VOPP1: variants seen among roughly 807,000 people sequenced by gnomAD.
VOPP1 encodes VOPP1 WW domain binding protein, also known as WW domain binding protein VOPP1.
A neutral mutation model predicts 23.5 loss-of-function variants in VOPP1; 8 were observed. The observed-to-expected ratio is 0.34, with a 90% CI of 0.20 to 0.61. The LOEUF (loss-of-function observed/expected upper bound fraction) is 0.61, where lower values mean the gene tolerates loss of function less well. VOPP1 is among the 20% of genes least tolerant of loss of function. The pLI, the probability that VOPP1 is intolerant of heterozygous loss-of-function variation, is 0.78. For missense variants in VOPP1, 174 were observed against 238.1 expected, an observed-to-expected ratio of 0.73 and a Z score of 1.77; for synonymous variants, 83 against 97.3, an observed-to-expected ratio of 0.85 and a Z score of 0.86.
chr7:55,487,846 G>A (rs1014865422), intron 4 of VOPP1, among the ~76,000 whole-genome samples: 1 of 152,160 alleles, frequency 6.6e-6, no homozygotes, highest in Non-Finnish European at 1.5e-5. Context: ...ACACTCAGCT[G>A]AGGCCACCTC....
At chr7:55,516,881 GT>G (rs1218195593) in intron 2 of VOPP1, among the ~76,000 whole-genome samples, 1 of 118,518 alleles carries the variant, frequency 8.4e-6, no homozygotes, top group African/African-American at 3.2e-5. Flanking sequence ...TACTAGAAAT[GT>G]ACTTTTTAGA....
Position 55,473,503 on chromosome 7 carries a change from A to T in VOPP1, c.329-458T>A, listed in dbSNP as rs375844262. Among the ~76,000 whole-genome samples, 8 of 152,296 alleles carry T rather than the reference A, an allele frequency of 5.3e-5. No homozygotes were observed. In the East Asian group the frequency reaches 1.5e-3, roughly 29 times the overall value. The stretch of plus-strand genomic sequence containing the variant: ...TGCCCTCAGGGCAGGAGTTACTCAC[A>T]GGCAGGGAGGCCGTGCACCTGGGCA... On this transcript the variant is annotated intron_variant, in intron 4 of 4. Coordinates refer to ENST00000285279, the MANE Select transcript of VOPP1 (RefSeq NM_030796.5).
intron 1 of VOPP1, among the ~76,000 whole-genome samples, chr7:55,524,824 T>A (rs751427579): frequency 4.6e-5 from 7 of 151,990 alleles, no homozygotes; most frequent in Admixed American, 1.3e-4. Flanking sequence ...TGCTGCCAAG[T>A]CGAAGTCTGA....
At chr7:55,449,574 C>G (rs1487564710) in intron 4 of VOPP1, among the ~76,000 whole-genome samples, 1 of 152,248 alleles carries the variant, frequency 6.6e-6, no homozygotes, top group Non-Finnish European at 1.5e-5. Context: ...CTTCCCTCCC[C>G]AGGCGCAGGG....
intron 4 of VOPP1, among the ~76,000 whole-genome samples, chr7:55,487,543 G>A (rs1793231735): frequency 6.6e-6 from 1 of 152,130 alleles, no homozygotes; most frequent in East Asian, 1.9e-4. Context: ...CTACAGTCTT[G>A]AGCTCTTGGC....
intron 1 of VOPP1, among the ~76,000 whole-genome samples, chr7:55,526,098 A>G (rs947123934): frequency 6.6e-6 from 1 of 152,216 alleles, no homozygotes; most frequent in Non-Finnish European, 1.5e-5. Context: ...GAGCAGAGAC[A>G]ATACGCAGAG....
At chr7:55,454,197 C>T (rs911213781) in intron 4 of VOPP1, among the ~76,000 whole-genome samples, 4 of 151,760 alleles carry the variant, frequency 2.6e-5, no homozygotes, top group Middle Eastern at 3.2e-3. Flanking sequence ...AAAATTTTCT[C>T]TTCTAAATGG....
intron 1 of VOPP1, among the ~76,000 whole-genome samples, chr7:55,561,069 C>T (rs1052385720): frequency 2.0e-5 from 3 of 152,114 alleles, no homozygotes; most frequent in African/African-American, 4.8e-5. Flanking sequence ...CTCTGCACCC[C>T]GACCATGGAT....
At chr7:55,540,398 A>AAAAT (rs200219554) in intron 1 of VOPP1, among the ~76,000 whole-genome samples, 15,214 of 141,668 alleles carry the variant, frequency 0.11, 989 homozygotes, top group African/African-American at 0.17. Flanking sequence ...CTCTGTCTCA[A>AAAAT]AAATAAATAA....
intron 1 of VOPP1, chr7:55,562,098 C>A: frequency 1.4e-6 from 1 of 702,318 alleles, no homozygotes; most frequent in South Asian, 1.5e-5. Flanking sequence ...GGTAATTGTT[C>A]GAAACTCCCT....
At position 55,461,608 on chromosome 7, in the gene VOPP1, C is replaced by T. The variant is rs149064329; in HGVS notation, n.418-25434G>A. The stretch of plus-strand genomic sequence containing the variant: ...CATTTTTGTATTTTTAGTAGAGACA[C>T]GGTTTCACCATGTTGGCCAGGCTGG... On this transcript the variant is annotated intron_variant and non_coding_transcript_variant, in intron 4 of 4. Transcript: ENST00000462326. 7.0e-3 allele frequency among the ~76,000 whole-genome samples: 1,070 copies of T among 152,040 alleles called. 14 individuals carry two copies. Among genetic ancestry groups the T allele is most frequent in the African/African-American group, 0.023 (941 of 41,502 alleles).
At chr7:55,490,529 G>A (rs1408573993) in intron 4 of VOPP1, among the ~76,000 whole-genome samples, 4 of 152,280 alleles carry the variant, frequency 2.6e-5, no homozygotes, top group East Asian at 1.9e-4. Flanking sequence ...CTCTGAGCTC[G>A]GCCAGGACCA....
intron 4 of VOPP1, among the ~76,000 whole-genome samples, chr7:55,483,425 AGGG>A (rs575170009): frequency 2.2e-4 from 33 of 152,128 alleles, no homozygotes; most frequent in Non-Finnish European, 4.6e-4. Context: ...TGAGTCATGA[AGGG>A]TAGGTCCTTC....
rs541380031 is a variant in VOPP1 at position 55,534,680 on chromosome 7, G to A, written c.55-13550C>T. Among the ~76,000 whole-genome samples the A allele has an allele frequency of 3.1e-4, 47 of 152,274 alleles. No individual in the cohort carries two copies. The Middle Eastern group carries it at 0.02, about 66-fold the overall frequency. On this transcript the variant is annotated intron_variant, in intron 1 of 4. Transcript: ENST00000285279. ...CCACAAAAGAACACCAGCATACAAC[G>A]CCATGCAGGGCCCACTCTGAGCTGG...
At chr7:55,466,732 A>G (rs1212558594), downstream of VOPP1, among the ~76,000 whole-genome samples, 1 of 152,142 alleles carries the variant, frequency 6.6e-6, no homozygotes, top group African/African-American at 2.4e-5. Context: ...GGTTCAAGTG[A>G]TCCTCCTGCC....
At chr7:55,514,100 G>A (rs1795253801) in intron 2 of VOPP1, among the ~76,000 whole-genome samples, 1 of 152,150 alleles carries the variant, frequency 6.6e-6, no homozygotes, top group African/African-American at 2.4e-5. Context: ...CATCATGTCA[G>A]TACCAAGACC....
intron 2 of VOPP1, among the ~76,000 whole-genome samples, chr7:55,512,494 A>C (rs1341665378): frequency 6.6e-6 from 1 of 152,210 alleles, no homozygotes. Flanking sequence ...GCAGAAGATC[A>C]CCAGTGAAAA....
chr7:55,556,007 T>C (rs973314783), intron 1 of VOPP1, among the ~76,000 whole-genome samples: 2 of 152,336 alleles, frequency 1.3e-5, no homozygotes, highest in Admixed American at 1.3e-4. Context: ...TCTAATAACC[T>C]GTATATGATA....
intron 2 of VOPP1, among the ~76,000 whole-genome samples, chr7:55,514,874 T>C (rs1219671736): frequency 2.0e-5 from 3 of 152,112 alleles, no homozygotes; most frequent in African/African-American, 7.2e-5. Flanking sequence ...GCTGCAAAGG[T>C]AGATGCAAAG....
Sources: allele counts gnomAD v4.1 joint callset (sites outside exome capture counted in the v4.1 genomes callset), GRCh38; gene constraint gnomAD v4.1.1; transcripts MANE v1.5; gene names NCBI Gene and HGNC (gene_info 2026-07-23, HGNC 2026-07-21).